The following UBAP1 variants were observed in gnomAD, a reference collection of about 807,000 sequenced individuals.
The protein encoded by UBAP1 is ubiquitin associated protein 1, also known as ubiquitin-associated protein 1.
Under a neutral mutation model 39.0 loss-of-function variants are expected in UBAP1, and 5 were observed. The ratio of observed to expected loss-of-function variants is 0.13; its 90% CI spans 0.07 to 0.27. The LOEUF is 0.27. Ranked by LOEUF, UBAP1 falls within the 10% of genes least tolerant of loss-of-function variation. The pLI is 1.00. For synonymous variants in UBAP1, 211 were observed against 225.1 expected (o/e 0.94, Z 0.56); for missense variants, 490 against 608.1 (o/e 0.81, Z 2.04).
chr9:34,231,668 A>AG (rs1833428427), intron 2 of UBAP1, among the ~76,000 whole-genome samples: 2 of 149,990 alleles, frequency 1.3e-5, no homozygotes, highest in Admixed American at 1.3e-4. Flanking sequence ...TTTTTGAGAT[A>AG]GAGTCTCGCT....
intron 1 of UBAP1, among the ~76,000 whole-genome samples, chr9:34,188,269 G>A (rs1830516720): frequency 1.3e-5 from 2 of 151,966 alleles, no homozygotes; most frequent in Admixed American, 1.3e-4. Flanking sequence ...TTAGATCATT[G>A]GGAATCCGTA....
chr9:34,237,414 A>G (rs1041368194), intron 3 of UBAP1, among the ~76,000 whole-genome samples: 1 of 152,170 alleles, frequency 6.6e-6, no homozygotes, highest in East Asian at 1.9e-4. Context: ...AGGCATCACC[A>G]TTTTATTCTA....
At chr9:34,198,597 G>A (rs546318760) in intron 1 of UBAP1, among the ~76,000 whole-genome samples, 82 of 152,238 alleles carry the variant, frequency 5.4e-4, no homozygotes, top group African/African-American at 1.9e-3. Flanking sequence ...TCTCTGGTTG[G>A]GTGAGGCCAC....
chr9:34,187,095 A>G (rs1830447209), intron 1 of UBAP1, among the ~76,000 whole-genome samples: 2 of 152,058 alleles, frequency 1.3e-5, no homozygotes, highest in Admixed American at 1.3e-4. Flanking sequence ...TTTAGTAGAG[A>G]CAGGGTTTCA....
chr9:34,241,039 T>C (rs1296497030), intron 3 of UBAP1, 146 bp from the exon 4 acceptor site: 1 of 552,934 alleles, frequency 1.8e-6, no homozygotes, highest in African/African-American at 1.9e-5. Flanking sequence ...GCCTTACTCT[T>C]TTTAAGTGGG....
chr9:34,244,514 G>A (rs1169207786), intron 4 of UBAP1, among the ~76,000 whole-genome samples: 4 of 25,594 alleles, frequency 1.6e-4, no homozygotes, highest in Admixed American at 4.3e-4. Flanking sequence ...TCAAGCTGGC[G>A]TGCAATGTTG....
At chr9:34,199,726 C>T (rs992501341) in intron 1 of UBAP1, among the ~76,000 whole-genome samples, 5 of 151,686 alleles carry the variant, frequency 3.3e-5, no homozygotes, top group Non-Finnish European at 7.4e-5. Context: ...CCTTGACTAC[C>T]CCTGGCTCAG....
intron 1 of UBAP1, among the ~76,000 whole-genome samples, chr9:34,209,017 C>T (rs927105865): frequency 6.6e-6 from 1 of 151,874 alleles, no homozygotes; most frequent in African/African-American, 2.4e-5. Context: ...TCACCGCAAC[C>T]TCCGCTTCCT....
intron 1 of UBAP1, among the ~76,000 whole-genome samples, chr9:34,186,648 T>C (rs148725603): frequency 1.3e-5 from 2 of 152,282 alleles, no homozygotes; most frequent in East Asian, 1.9e-4. Flanking sequence ...TTTTCGTTGG[T>C]CATTTGTGCT....
At chr9:34,218,411 G>T (rs1832468473) in intron 1 of UBAP1, among the ~76,000 whole-genome samples, 2 of 151,502 alleles carry the variant, frequency 1.3e-5, no homozygotes, top group South Asian at 2.1e-4. Context: ...CCTCTCTCAA[G>T]TTCTTTACCT....
chr9:34,182,647 CTT>C (rs1563881026), intron 1 of UBAP1, among the ~76,000 whole-genome samples: 36 of 61,090 alleles, frequency 5.9e-4, no homozygotes, highest in African/African-American at 1.2e-3. Context: ...TTCTTTCTTT[CTT>C]TCTTTCTTTC....
chr9:34,200,788 A>G (rs555480657), intron 1 of UBAP1, among the ~76,000 whole-genome samples: 25 of 152,276 alleles, frequency 1.6e-4, no homozygotes, highest in Admixed American at 8.5e-4. Flanking sequence ...GTTCTCCCGA[A>G]TTTTGGGTTT....
At chr9:34,214,754 C>T (rs1832203047) in intron 1 of UBAP1, among the ~76,000 whole-genome samples, 1 of 152,134 alleles carries the variant, frequency 6.6e-6, no homozygotes, top group Non-Finnish European at 1.5e-5. Context: ...TGACAAAGGA[C>T]TGATATCCAG....
intron 4 of UBAP1, among the ~76,000 whole-genome samples, chr9:34,249,464 A>G (rs866506226): frequency 3.3e-5 from 5 of 152,124 alleles, no homozygotes; most frequent in Non-Finnish European, 5.9e-5. Flanking sequence ...CTTCAACTCA[A>G]ATCCTGGAGA....
At chr9:34,207,596 A>G (rs994470896) in intron 1 of UBAP1, among the ~76,000 whole-genome samples, 3 of 149,546 alleles carry the variant, frequency 2.0e-5, no homozygotes, top group Non-Finnish European at 3.0e-5. Context: ...GTTTATTCCT[A>G]GTTCTTAACT....
At chr9:34,189,628 A>AATT (rs978416152) in intron 1 of UBAP1, among the ~76,000 whole-genome samples, 47 of 151,786 alleles carry the variant, frequency 3.1e-4, no homozygotes, top group East Asian at 1.7e-3. Context: ...CAAATTTGGA[A>AATT]ATTATTATTA....
chr9:34,204,282 C>G (rs1407995780), intron 1 of UBAP1, among the ~76,000 whole-genome samples: 1 of 152,204 alleles, frequency 6.6e-6, no homozygotes, highest in Non-Finnish European at 1.5e-5. Context: ...GAGCAAGACT[C>G]TGTCTCAAGA....
chr9:34,185,034 A>T (rs1830320731), intron 1 of UBAP1, among the ~76,000 whole-genome samples: 1 of 148,154 alleles, frequency 6.7e-6, no homozygotes, highest in Non-Finnish European at 1.5e-5. Flanking sequence ...TCCCGAGTTC[A>T]AGCGATTCTC....
intron 1 of UBAP1, among the ~76,000 whole-genome samples, chr9:34,200,636 C>T (rs938199848): frequency 3.3e-5 from 5 of 152,002 alleles, no homozygotes; most frequent in African/African-American, 1.2e-4. Flanking sequence ...GAATGTAAAA[C>T]ATCTAAGTTA....
Sources: allele counts gnomAD v4.1 joint callset (sites outside exome capture counted in the v4.1 genomes callset), GRCh38; gene constraint gnomAD v4.1.1; transcripts MANE v1.5; gene names NCBI Gene and HGNC (gene_info 2026-07-23, HGNC 2026-07-21).